Variants in YAP1 observed in about 807,000 individuals in gnomAD.
YAP1 encodes the protein Yes1 associated transcriptional regulator.
YAP1 carries 5 observed loss-of-function variants against 56.9 expected under a neutral mutation model. That is an observed-to-expected ratio of 0.09 (90% CI 0.05 to 0.18). The LOEUF (loss-of-function observed/expected upper bound fraction) is 0.18, where lower values mean the gene tolerates loss of function less well. YAP1 is among the 10% of genes least tolerant of loss of function. The pLI is 1.00. For missense variants in YAP1, 539 were observed against 651.8 expected (o/e 0.83, Z 1.88); for synonymous variants, 265 against 248.1 (o/e 1.07, Z -0.64).
At chr11:102,163,558 C>T (rs567818185) in intron 3 of YAP1, among the ~76,000 whole-genome samples, 2 of 152,286 alleles carry the variant, frequency 1.3e-5, no homozygotes, top group East Asian at 1.9e-4. Context: ...CTGCTCAGTG[C>T]CCAGGTTCAG....
At chr11:102,223,107 G>T (rs113042824) in intron 6 of YAP1, among the ~76,000 whole-genome samples, 1 of 151,766 alleles carries the variant, frequency 6.6e-6, no homozygotes, top group Non-Finnish European at 1.5e-5. Context: ...AATTAGCTGG[G>T]CGTGGTGGTG....
rs191547651 is a variant in YAP1, at chr11:102,129,833, T to C, written c.572+15439T>C. 7.0e-4 allele frequency among the ~76,000 whole-genome samples: 101 copies of C among 143,318 alleles called. No homozygotes were observed. In the East Asian group the frequency reaches 0.02, roughly 28 times the overall value. 94.0% of individuals were successfully genotyped at this position (143,318 alleles called of 152,430 possible). On this transcript the variant is annotated intron_variant, in intron 2 of 8. Coordinates refer to ENST00000282441, the MANE Select transcript of YAP1 (RefSeq NM_001130145.3). ...TTTTTTTTTCGAAATGGGGTCTTGC[T>C]CTGTCACCCAGGCTGGAGTGATGCA...
At chr11:102,225,627 C>G (rs1465473546) in intron 7 of YAP1, among the ~76,000 whole-genome samples, 1 of 152,184 alleles carries the variant, frequency 6.6e-6, no homozygotes, top group African/African-American at 2.4e-5. Context: ...GCTGAGTTCC[C>G]TTAGTTCCCT....
At chr11:102,203,516 A>G (rs1356571418) in intron 4 of YAP1, among the ~76,000 whole-genome samples, 8 of 152,204 alleles carry the variant, frequency 5.3e-5, no homozygotes, top group Non-Finnish European at 1.2e-4. Context: ...GTAAAATGCT[A>G]TATTGTTTGC....
At chr11:102,115,800 T>C (rs1943246939) in intron 2 of YAP1, among the ~76,000 whole-genome samples, 1 of 152,106 alleles carries the variant, frequency 6.6e-6, no homozygotes, top group Non-Finnish European at 1.5e-5. Flanking sequence ...GGATGTGTCT[T>C]GAAGGGGAAG....
intron 6 of YAP1, among the ~76,000 whole-genome samples, chr11:102,220,217 A>G (rs1168550140): frequency 6.6e-6 from 1 of 151,582 alleles, no homozygotes; most frequent in Non-Finnish European, 1.5e-5. Flanking sequence ...GGAGGAAGAG[A>G]AAAGAAAAGA....
intron 3 of YAP1, among the ~76,000 whole-genome samples, chr11:102,180,461 T>A (rs1947525913): frequency 6.6e-6 from 1 of 151,302 alleles, no homozygotes; most frequent in African/African-American, 2.4e-5. Flanking sequence ...GGCAGGTGGA[T>A]CACAAGGTCA....
intron 2 of YAP1, among the ~76,000 whole-genome samples, chr11:102,130,430 T>G (rs1415257519): frequency 3.3e-5 from 5 of 151,918 alleles, no homozygotes; most frequent in Non-Finnish European, 7.4e-5. Flanking sequence ...ATTGACAGGC[T>G]CTCATTCCAG....
chr11:102,229,960 T>C lies in YAP1; in HGVS notation c.*20T>C. On this transcript the variant is annotated 3_prime_UTR_variant, in exon 9 of 9. Coordinates refer to ENST00000282441, the MANE Select transcript of YAP1 (RefSeq NM_001130145.3). ...TTATAGAGCCCTCAGGCAGACTGAA[T>C]TCTAAATCTGTGAAGGATCTAAGGA... 1 of 1,604,882 alleles carries C rather than the reference T, an allele frequency of 6.2e-7. No homozygotes were observed. The highest frequency in any genetic ancestry group is 8.5e-7 in the Non-Finnish European group (1 of 1,172,022).
At chr11:102,113,908 C>T (rs1311490113) in intron 1 of YAP1, among the ~76,000 whole-genome samples, 1 of 152,010 alleles carries the variant, frequency 6.6e-6, no homozygotes, top group African/African-American at 2.4e-5. Flanking sequence ...AGGGGAAATT[C>T]ATTAGATGGA....
At chr11:102,210,578 C>T (rs1173437983) in intron 6 of YAP1, among the ~76,000 whole-genome samples, 1 of 152,128 alleles carries the variant, frequency 6.6e-6, no homozygotes, top group Non-Finnish European at 1.5e-5. Context: ...CAAGGGATAA[C>T]TCAATAATAA....
At chr11:102,156,116 TAAGA>T (rs1204020888) in intron 2 of YAP1, among the ~76,000 whole-genome samples, 1 of 152,224 alleles carries the variant, frequency 6.6e-6, no homozygotes, top group Non-Finnish European at 1.5e-5. Flanking sequence ...GTAACCTATA[TAAGA>T]AAGTTCACTT....
intron 3 of YAP1, among the ~76,000 whole-genome samples, chr11:102,171,675 C>A (rs1368381324): frequency 6.6e-6 from 1 of 152,216 alleles, no homozygotes; most frequent in Non-Finnish European, 1.5e-5. Flanking sequence ...AGTAGGCTCA[C>A]TGAGCTTGTA....
chr11:102,128,979 C>T (rs963721900), intron 2 of YAP1, among the ~76,000 whole-genome samples: 3 of 152,234 alleles, frequency 2.0e-5, no homozygotes, highest in East Asian at 1.9e-4. Context: ...TCCCTATCCC[C>T]AAACCCTGTG....
At chr11:102,161,874 A>G (rs1035284112) in intron 2 of YAP1, among the ~76,000 whole-genome samples, 4 of 152,224 alleles carry the variant, frequency 2.6e-5, no homozygotes, top group Non-Finnish European at 4.4e-5. Flanking sequence ...TTATGTAGAA[A>G]ATGTTCAGCA....
At chr11:102,111,261 G>T (rs923365263) in intron 1 of YAP1, 92 bp downstream of exon 1, 1 of 1,494,832 alleles carries the variant, frequency 6.7e-7, no homozygotes, top group Admixed American at 1.9e-5. Context: ...TCTGGTCAGG[G>T]GAGGGGGGTT....
chr11:102,122,913 A>AAAAAAAAAAAAAAC, intron 2 of YAP1, among the ~76,000 whole-genome samples: 1 of 150,842 alleles, frequency 6.6e-6, no homozygotes. Context: ...AAAAAAAAAA[A>AAAAAAAAAAAAAAC]AAAGCAAAGA....
intron 4 of YAP1, among the ~76,000 whole-genome samples, chr11:102,201,933 G>A (rs1057017426): frequency 1.2e-4 from 18 of 151,972 alleles, no homozygotes; most frequent in Admixed American, 7.9e-4. Flanking sequence ...GAATATACTA[G>A]ATGACCTTGG....
chr11:102,211,141 G>C (rs1303966683), intron 6 of YAP1, among the ~76,000 whole-genome samples: 1 of 152,138 alleles, frequency 6.6e-6, no homozygotes, highest in Non-Finnish European at 1.5e-5. Flanking sequence ...AGGAGATTTG[G>C]ATTCAGGTAA....
Sources: gnomAD v4.1 joint callset for allele counts (sites outside exome capture counted in the v4.1 genomes callset) on GRCh38, gnomAD v4.1.1 for gene constraint, MANE v1.5 for transcripts, NCBI Gene and HGNC (gene_info 2026-07-23, HGNC 2026-07-21) for gene names.